GRK3: variants seen among roughly 807,000 people sequenced by gnomAD.
GRK3 encodes the protein adrenergic, beta, receptor kinase 2.
Under a neutral mutation model 95.7 loss-of-function variants are expected in GRK3, and 54 were observed. The observed-to-expected ratio is 0.56, with a 90% confidence interval of 0.45 to 0.71. The LOEUF (loss-of-function observed/expected upper bound fraction) is 0.71. GRK3 is among the 30% of genes least tolerant of loss of function. GRK3 has a pLI of 0.00. For synonymous variants in GRK3, 281 were observed against 290.8 expected (o/e 0.97, Z 0.34); for missense variants, 649 against 851.2 (o/e 0.76, Z 2.96).
intron 2 of GRK3, 151 bp from the exon 3 acceptor site, chr22:25,644,441 A>C (rs2084766429): frequency 2.2e-6 from 1 of 461,442 alleles, no homozygotes; most frequent in African/African-American, 2.0e-5. Context: ...CTAGGAATTA[A>C]TTAATTCACT....
rs1157415647 is a variant in GRK3, at chr22:25,724,093, A to C, written c.*1643A>C. ...GCATTCTCCTTATTTAAAAAGGAAG[A>C]ATAGTATTCAAATTCTGTTGAAACA... is the stretch of plus-strand genomic sequence containing the variant. On this transcript the variant is annotated 3_prime_UTR_variant, in exon 21 of 21. Transcript: ENST00000324198. 2.0e-5 allele frequency: 3 copies of C among 151,284 alleles called. No homozygotes were observed. Among genetic ancestry groups the C allele is most frequent in the Non-Finnish European group, 4.4e-5 (3 of 67,944 alleles). 9.4% of individuals were successfully genotyped at this position (151,284 alleles called of 1,614,324 possible). A position where few individuals can be genotyped will look rare whatever the true frequency, so the allele number is the denominator to read the frequency against.
intron 7 of GRK3, 86 bp downstream of exon 7, chr22:25,672,433 G>C: frequency 1.3e-6 from 1 of 750,138 alleles, no homozygotes; most frequent in Non-Finnish European, 2.3e-6. Flanking sequence ...ATTCTGGAAC[G>C]TACTCCCAGA....
In GRK3 at chr22:25,592,480, C is replaced by T. The variant is rs529908953; in HGVS notation, c.114-11897C>T. 1.3e-4 allele frequency among the ~76,000 whole-genome samples: 20 copies of T among 152,140 alleles called. No homozygotes were observed. In the South Asian group the frequency reaches 1.5e-3, roughly 11 times the overall value. ...CAGGAGCAGCAGTTTTTAATTTTGACGAAATTAATTTATCAGTTTTTCTCT... is the reference window on the plus strand; with the variant it reads ...CAGGAGCAGCAGTTTTTAATTTTGATGAAATTAATTTATCAGTTTTTCTCT... On this transcript the variant is annotated intron_variant, in intron 1 of 20. Transcript: ENST00000324198.
intron 2 of GRK3, among the ~76,000 whole-genome samples, chr22:25,629,968 A>G (rs554404675): frequency 1.3e-5 from 2 of 152,114 alleles, no homozygotes; most frequent in South Asian, 2.1e-4. Flanking sequence ...AGGATCTCCA[A>G]TTAGAGTACA....
chr22:25,671,057 CA>C (rs995845963), intron 6 of GRK3, among the ~76,000 whole-genome samples: 85 of 143,284 alleles, frequency 5.9e-4, no homozygotes, highest in African/African-American at 2.2e-3. Flanking sequence ...CATCTCAAAA[CA>C]AAAACAAAAA....
intron 3 of GRK3, among the ~76,000 whole-genome samples, chr22:25,657,855 G>T (rs1323554419): frequency 6.6e-6 from 1 of 151,924 alleles, no homozygotes; most frequent in Non-Finnish European, 1.5e-5. Context: ...TATCCTGGAT[G>T]CCCTGTCTGA....
rs1265443274 is a variant in GRK3, at chr22:25,678,796, CA to C, written c.648-18del. The C allele has an allele frequency of 7.0e-7, 1 of 1,427,984 alleles. No individual in the cohort carries two copies. The highest frequency in any genetic ancestry group is 9.7e-7 in the Non-Finnish European group (1 of 1,027,472). The allele number at this position is 1,427,984 out of a possible 1,614,324, so 88.5% of individuals were successfully genotyped here. A position where few individuals can be genotyped will look rare whatever the true frequency, so the allele number is the denominator to read the frequency against. ...AGATATATTTACGGCATAGATTTTT[CA>C]ATAAATTTATGTTTCTAGGTATGCA... On this transcript the variant is annotated intron_variant, in intron 8 of 20. Coordinates refer to ENST00000324198, the MANE Select transcript of GRK3 (RefSeq NM_005160.4).
rs78021948 is a variant in GRK3, at chr22:25,664,251, G to A, written c.441+547G>A. On this transcript the variant is annotated intron_variant, in intron 5 of 20. Transcript: ENST00000324198. ...GGAAAATCAGATTCCCAACTAATAG[G>A]CCTATGTATTTGGCATTCCTTAGAT... Among the ~76,000 whole-genome samples the A allele has an allele frequency of 4.8e-3, 735 of 152,210 alleles. 19 individuals carry two copies. The East Asian group carries it at 0.06, about 12-fold the overall frequency.
chr22:25,667,180 G>A (rs184579319), intron 5 of GRK3, among the ~76,000 whole-genome samples: 8 of 152,232 alleles, frequency 5.3e-5, no homozygotes, highest in Non-Finnish European at 8.8e-5. Flanking sequence ...TTTTCTCTAT[G>A]ACTCTAAGAG....
At chr22:25,587,289 G>A (rs1407704493) in intron 1 of GRK3, among the ~76,000 whole-genome samples, 2 of 152,140 alleles carry the variant, frequency 1.3e-5, no homozygotes, top group African/African-American at 2.4e-5. Context: ...CCCTGCATGA[G>A]GCTTCCTGAC....
At chr22:25,604,695 T>C (rs549473679) in intron 2 of GRK3, among the ~76,000 whole-genome samples, 1 of 152,392 alleles carries the variant, frequency 6.6e-6, no homozygotes, top group Admixed American at 6.5e-5. Context: ...TCAGCGTTGC[T>C]GAATGTAAGA....
At chr22:25,627,318 A>T (rs2084634964) in intron 2 of GRK3, among the ~76,000 whole-genome samples, 1 of 152,190 alleles carries the variant, frequency 6.6e-6, no homozygotes, top group African/African-American at 2.4e-5. Flanking sequence ...TAAGTATTGG[A>T]ATTTCTGAGG....
chr22:25,565,064 G>T lies in GRK3; in HGVS notation c.24G>T (p.Leu8=). 6.5e-7 allele frequency: 1 copy of T among 1,528,092 alleles called. No homozygotes were observed. Among genetic ancestry groups the T allele is most frequent in the Non-Finnish European group, 8.8e-7 (1 of 1,140,506 alleles). The allele number at this position is 1,528,092 out of a possible 1,614,324, so 94.7% of individuals were successfully genotyped here. A position where few individuals can be genotyped will look rare whatever the true frequency, so the allele number is the denominator to read the frequency against. ...ACATGGCGGACCTGGAGGCTGTGCT[G>T]GCCGATGTCAGTTACCTGATGGCCA... The part of the protein sequence containing the change: MADLEAV[L]ADVSYLMAME... Residue 8 remains leucine, a synonymous_variant, in exon 1 of 21, where the codon CTG becomes CTT. Coordinates refer to ENST00000324198, the MANE Select transcript of GRK3 (RefSeq NM_005160.4).
chr22:25,630,716 T>C lies in GRK3; in HGVS notation c.191-13876T>C, dbSNP rs573948950. ...ATTCATTTCCATTTGTGCTTTTGTC[T>C]GTTGGACTCTTAATATTCATGGCTC... On this transcript the variant is annotated intron_variant, in intron 2 of 20. Coordinates refer to ENST00000324198, the MANE Select transcript of GRK3 (RefSeq NM_005160.4). Among the ~76,000 whole-genome samples the C allele has an allele frequency of 9.8e-5, 15 of 152,348 alleles. No individual in the cohort carries two copies. In the South Asian group the frequency reaches 1.5e-3, roughly 15 times the overall value.
chr22:25,658,502 T>C (rs1239727081), intron 3 of GRK3, among the ~76,000 whole-genome samples: 1 of 152,216 alleles, frequency 6.6e-6, no homozygotes, highest in Non-Finnish European at 1.5e-5. Context: ...ACTGGATTTA[T>C]ACATAGAATT....
chr22:25,638,613 CT>C (rs1158817465), intron 2 of GRK3, among the ~76,000 whole-genome samples: 1 of 152,208 alleles, frequency 6.6e-6, no homozygotes, highest in African/African-American at 2.4e-5. Flanking sequence ...TTTCCCTTGA[CT>C]TTAATCACAG....
intron 4 of GRK3, among the ~76,000 whole-genome samples, chr22:25,662,130 TA>T (rs546338845): frequency 5.7e-4 from 87 of 152,272 alleles, no homozygotes; most frequent in African/African-American, 2.0e-3. Context: ...GCAGTTGTAA[TA>T]TTTTTTTTTC....
At chr22:25,595,353 C>T (rs2084365501) in intron 1 of GRK3, among the ~76,000 whole-genome samples, 1 of 152,160 alleles carries the variant, frequency 6.6e-6, no homozygotes, top group African/African-American at 2.4e-5. Context: ...CATTTCTATA[C>T]ACCAATAACG....
chr22:25,636,069 C>T (rs935083821), intron 2 of GRK3, among the ~76,000 whole-genome samples: 6 of 152,098 alleles, frequency 3.9e-5, no homozygotes, highest in Admixed American at 2.0e-4. Context: ...CAAGCTGGTT[C>T]CTGTTCATAT....
Sources: gnomAD v4.1 joint callset for allele counts (sites outside exome capture counted in the v4.1 genomes callset) on GRCh38, gnomAD v4.1.1 for gene constraint, MANE v1.5 for transcripts, NCBI Gene and HGNC (gene_info 2026-07-23, HGNC 2026-07-21) for gene names.